The following ASAP1 variants were observed in gnomAD, a reference collection of about 807,000 sequenced individuals.
ASAP1 encodes the protein arf-GAP with SH3 domain, ANK repeat and PH domain-containing protein 1.
ASAP1 carries 43 observed loss-of-function variants against 145.2 expected under a neutral mutation model. The observed-to-expected ratio is 0.30, with a 90% confidence interval of 0.23 to 0.38. The LOEUF is 0.38. Ranked by LOEUF, ASAP1 falls within the 10% of genes least tolerant of loss-of-function variation. The probability of loss-of-function intolerance (pLI) is 1.00; values close to 1 mark genes in which losing one functional copy is unlikely to be tolerated. For missense variants in ASAP1, 1,018 were observed against 1,355.3 expected (o/e 0.75, Z 3.91); for synonymous variants, 546 against 515.5 (o/e 1.06, Z -0.80).
chr8:130,291,498 T>C (rs534599266), intron 3 of ASAP1, among the ~76,000 whole-genome samples: 1 of 152,190 alleles, frequency 6.6e-6, no homozygotes, highest in East Asian at 1.9e-4. Flanking sequence ...AGGTGTGTGA[T>C]GGAGACACTG....
Position 130,249,688 on chromosome 8 carries a change from T to C in ASAP1, c.187-12694A>G, listed in dbSNP as rs78232389. Among the ~76,000 whole-genome samples the C allele has an allele frequency of 4.9e-4, 75 of 152,310 alleles. 1 individual carries two copies. In the East Asian group the frequency reaches 0.013, roughly 27 times the overall value. Reference sequence around the variant, plus strand: ...TTTTTATCTTGACAAAGAACAGTTATTAATCTTTTAAGATACCAGACACAC... The same window carrying C: ...TTTTTATCTTGACAAAGAACAGTTACTAATCTTTTAAGATACCAGACACAC... On this transcript the variant is annotated intron_variant, in intron 3 of 29. Coordinates refer to ENST00000518721, the MANE Select transcript of ASAP1 (RefSeq NM_018482.4).
In ASAP1 at chr8:130,168,996, T is replaced by A. The variant is rs1260998937; in HGVS notation, c.818A>T (p.Tyr273Phe). The A allele has an allele frequency of 2.6e-6, 4 of 1,567,194 alleles. No homozygotes were observed. The highest frequency in any genetic ancestry group is 3.5e-6 in the Non-Finnish European group (4 of 1,158,066). Residue 273 changes from tyrosine to phenylalanine, a missense_variant, in exon 10 of 30, where the codon TAT becomes TTT. Coordinates refer to ENST00000518721, the MANE Select transcript of ASAP1 (RefSeq NM_018482.4). ...QYIEKLAADL[Y>F]NIKQTQDEEK... The stretch of plus-strand genomic sequence containing the variant: ...TGTATTTTATAAAGAACTTACATTA[T>A]ATAAATCAGCAGCCAGTTTTTCAAT...
At chr8:130,168,086 G>A (rs1335611031) in intron 10 of ASAP1, among the ~76,000 whole-genome samples, 1 of 152,038 alleles carries the variant, frequency 6.6e-6, no homozygotes, top group Non-Finnish European at 1.5e-5. Context: ...GGACTTAACT[G>A]TAACCTGAAC....
chr8:130,340,949 TTTTTG>T, intron 3 of ASAP1: 2 of 421,894 alleles, frequency 4.7e-6, no homozygotes, highest in Non-Finnish European at 9.3e-6. Flanking sequence ...ACTAGGTTTT[TTTTTG>T]TTTTTGTTTT....
rs113433705 is a variant in ASAP1 at position 130,100,476 on chromosome 8, T to C, written c.2402-8333A>G. Among the ~76,000 whole-genome samples the C allele has an allele frequency of 9.2e-5, 14 of 152,096 alleles. 1 individual carries two copies. Among genetic ancestry groups the C allele is most frequent in the Middle Eastern group, 3.4e-3 (1 of 294 alleles). On this transcript the variant is annotated intron_variant, in intron 24 of 29. Coordinates refer to ENST00000518721, the MANE Select transcript of ASAP1 (RefSeq NM_018482.4). ...TCCCGAGTAGCTGGGATTACAGGTG[T>C]ATGCTACCACACCCAGCTAATTTTG...
intron 18 of ASAP1, among the ~76,000 whole-genome samples, chr8:130,120,175 T>A (rs1213882318): frequency 6.6e-6 from 1 of 152,228 alleles, no homozygotes; most frequent in Non-Finnish European, 1.5e-5. Context: ...TATGCTTAGG[T>A]CAAAGTCCTT....
chr8:130,287,479 A>G (rs571723011), intron 3 of ASAP1, among the ~76,000 whole-genome samples: 3 of 152,094 alleles, frequency 2.0e-5, no homozygotes, highest in Non-Finnish European at 4.4e-5. Context: ...TCATCCATCC[A>G]TTTTTGAGAA....
chr8:130,152,969 G>C (rs1382152121), intron 12 of ASAP1, among the ~76,000 whole-genome samples, 164 bp from the exon 13 acceptor site: 1 of 151,944 alleles, frequency 6.6e-6, no homozygotes, highest in Non-Finnish European at 1.5e-5. Context: ...CCAGGTGGAA[G>C]GTAATTCACA....
chr8:130,121,494 T>G (rs888182371), intron 18 of ASAP1, among the ~76,000 whole-genome samples: 8 of 151,962 alleles, frequency 5.3e-5, no homozygotes, highest in African/African-American at 1.9e-4. Flanking sequence ...TATGATCAGT[T>G]TAAGAGGCTG....
chr8:130,208,211 C>A (rs749436812), intron 5 of ASAP1, among the ~76,000 whole-genome samples: 1 of 152,066 alleles, frequency 6.6e-6, no homozygotes, highest in African/African-American at 2.4e-5. Context: ...ATTATCAAAA[C>A]GAAAAAACAG....
chr8:130,317,366 A>C (rs1205550489), intron 3 of ASAP1, among the ~76,000 whole-genome samples: 1 of 152,200 alleles, frequency 6.6e-6, no homozygotes, highest in Non-Finnish European at 1.5e-5. Flanking sequence ...GTAGGGGAAA[A>C]GAAACCTCTA....
intron 3 of ASAP1, among the ~76,000 whole-genome samples, chr8:130,325,922 T>C (rs964300392): frequency 4.6e-5 from 7 of 152,344 alleles, no homozygotes; most frequent in South Asian, 2.1e-4. Context: ...TGGTAAGTTA[T>C]GCACCTTACA....
chr8:130,407,207 G>A (rs550198283), intron 1 of ASAP1, among the ~76,000 whole-genome samples: 1 of 152,288 alleles, frequency 6.6e-6, no homozygotes, highest in South Asian at 2.1e-4. Flanking sequence ...CAGACATTGA[G>A]GAACGTGTCC....
intron 1 of ASAP1, among the ~76,000 whole-genome samples, chr8:130,432,831 T>C (rs373606923): frequency 4.7e-4 from 71 of 152,306 alleles, no homozygotes; most frequent in African/African-American, 1.6e-3. Flanking sequence ...GCTCTGTCAG[T>C]TGCCCACACC....
intron 5 of ASAP1, among the ~76,000 whole-genome samples, chr8:130,206,180 A>T (rs1816207688): frequency 6.6e-6 from 1 of 152,142 alleles, no homozygotes; most frequent in Non-Finnish European, 1.5e-5. Context: ...TGAGGCAGTG[A>T]GGCATGTCAG....
intron 1 of ASAP1, among the ~76,000 whole-genome samples, chr8:130,442,028 C>T (rs1830504274): frequency 6.6e-6 from 1 of 152,178 alleles, no homozygotes; most frequent in Admixed American, 6.5e-5. Flanking sequence ...TCATTTTATA[C>T]TTCAAATCCA....
chr8:130,197,310 C>G (rs921286402), intron 5 of ASAP1, among the ~76,000 whole-genome samples: 2 of 152,200 alleles, frequency 1.3e-5, no homozygotes, highest in African/African-American at 4.8e-5. Context: ...CATGCCTAAA[C>G]CTCAGCTGCT....
Position 130,092,005 on chromosome 8 carries a change from T to C in ASAP1, c.2540A>G (p.His847Arg). 1 of 1,561,272 alleles carries C rather than the reference T, an allele frequency of 6.4e-7. No homozygotes were observed. The highest frequency in any genetic ancestry group is 8.6e-7 in the Non-Finnish European group (1 of 1,160,134). Residue 847 changes from histidine to arginine, a missense_variant, in exon 25 of 30, where the codon CAT (histidine) becomes CGT (arginine). Coordinates refer to ENST00000518721, the MANE Select transcript of ASAP1 (RefSeq NM_018482.4). Reference sequence around the variant, plus strand: ...AACTGCGCCTTTGTTTGGGGGCCCATGAGGTAGTGGGCTGGGAGGGTCGGA... The same window carrying C: ...AACTGCGCCTTTGTTTGGGGGCCCACGAGGTAGTGGGCTGGGAGGGTCGGA... Reference protein sequence around the residue: ...TLSDPPSPLPHGPPNKGAVPW... With the variant: ...TLSDPPSPLPRGPPNKGAVPW...
At chr8:130,248,818 T>C (rs1046461475) in intron 3 of ASAP1, among the ~76,000 whole-genome samples, 2 of 152,182 alleles carry the variant, frequency 1.3e-5, no homozygotes, top group Non-Finnish European at 2.9e-5. Context: ...AGTACCACAG[T>C]GATGGCACAA....
Sources: allele counts gnomAD v4.1 joint callset (sites outside exome capture counted in the v4.1 genomes callset), GRCh38; gene constraint gnomAD v4.1.1; transcripts MANE v1.5; gene names NCBI Gene and HGNC (gene_info 2026-07-23, HGNC 2026-07-21).